SLC14A2: variants seen among roughly 807,000 people sequenced by gnomAD.
SLC14A2 encodes the protein urea transporter 2.
In SLC14A2, 91 loss-of-function variants were observed where a neutral mutation model predicts 104.6. The observed-to-expected ratio is 0.87, with a 90% CI of 0.73 to 1.04. SLC14A2 has a LOEUF of 1.04. Ranked by LOEUF, SLC14A2 falls within the 50% of genes least tolerant of loss-of-function variation. SLC14A2 has a pLI of 0.00. For missense variants in SLC14A2, 1,189 were observed against 1,156.0 expected (o/e 1.03, Z -0.41); for synonymous variants, 476 against 466.4 (o/e 1.02, Z -0.27).
intron 2 of SLC14A2, among the ~76,000 whole-genome samples, chr18:45,604,438 A>G (rs2044836804): frequency 6.6e-6 from 1 of 152,108 alleles, no homozygotes; most frequent in Admixed American, 6.5e-5. Flanking sequence ...AAATACTCCA[A>G]ATCATGCAGT....
Position 45,309,059 on chromosome 18 carries a change from T to G in SLC14A2, c.-125+95868T>G, listed in dbSNP as rs145557497. Among the ~76,000 whole-genome samples, 471 of 152,290 alleles carry G rather than the reference T, an allele frequency of 3.1e-3. 2 individuals carry two copies. Among genetic ancestry groups the G allele is most frequent in the African/African-American group, 0.011 (447 of 41,574 alleles). On this transcript the variant is annotated intron_variant, in intron 1 of 20. Coordinates refer to the SLC14A2 transcript ENST00000586448. ...TCTGACAGGTAGAGTTCACCCTCAG[T>G]TTTGGAGATTTCTGATCCAGTCATT...
intron 1 of SLC14A2, among the ~76,000 whole-genome samples, chr18:45,418,119 A>G (rs560793376): frequency 9.8e-5 from 15 of 152,330 alleles, no homozygotes; most frequent in African/African-American, 3.4e-4. Context: ...TCAGTAAAAT[A>G]AGTTTTAGAA....
rs754611598 is a variant in SLC14A2, at chr18:45,637,059, C to T, written c.720C>T (p.Phe240=). ...KWDLPVFTLP[F]NIAVTLYLAA... ...ACCTCCCGGTCTTCACTCTGCCCTT[C>T]AACATTGCAGTCACCTTGTACCTTG... Residue 240 remains phenylalanine, a synonymous_variant, in exon 6 of 20, where the codon TTC becomes TTT. Coordinates refer to ENST00000255226, the MANE Select transcript of SLC14A2 (RefSeq NM_007163.4). The T allele has an allele frequency of 2.5e-6, 4 of 1,614,190 alleles. No homozygotes were observed. The highest frequency in any genetic ancestry group is 1.6e-4 in the Middle Eastern group (1 of 6,062).
the SLC14A2 span, chr18:45,181,123 C>T: frequency 6.6e-6 from 1 of 152,598 alleles, no homozygotes; most frequent in Admixed American, 6.5e-5. Context: ...GTCCACGTCA[C>T]TGTTTAATGT....
intron 1 of SLC14A2, among the ~76,000 whole-genome samples, chr18:45,473,435 G>A (rs2266148): frequency 0.21 from 31,881 of 152,124 alleles, 3,758 homozygotes; most frequent in Non-Finnish European, 0.27. Flanking sequence ...TAGCTTGATG[G>A]GGATAGCATT....
At chr18:45,661,601 A>C (rs1354203918) in intron 10 of SLC14A2, among the ~76,000 whole-genome samples, 1 of 152,166 alleles carries the variant, frequency 6.6e-6, no homozygotes, top group Admixed American at 6.5e-5. Flanking sequence ...GTGATCTTGA[A>C]ACTCCCATTC....
At position 45,667,816 on chromosome 18, in the gene SLC14A2, C is replaced by T. The variant is rs760195802; in HGVS notation, c.1718-17C>T. Reference sequence around the variant, plus strand: ...ACACTGAGCACTTGCCTACTTCCTGCCCCGGTTCCATTTCAGACAAGTCCC... The same window carrying T: ...ACACTGAGCACTTGCCTACTTCCTGTCCCGGTTCCATTTCAGACAAGTCCC... On this transcript the variant is annotated splice_polypyrimidine_tract_variant and intron_variant, in intron 13 of 19. Coordinates refer to ENST00000255226, the MANE Select transcript of SLC14A2 (RefSeq NM_007163.4). The T allele has an allele frequency of 2.5e-6, 4 of 1,610,892 alleles. No individual in the cohort carries two copies. Among genetic ancestry groups the T allele is most frequent in the South Asian group, 1.1e-5 (1 of 90,934 alleles).
At chr18:45,380,301 A>C (rs2085820437) in intron 1 of SLC14A2, among the ~76,000 whole-genome samples, 1 of 152,212 alleles carries the variant, frequency 6.6e-6, no homozygotes, top group Non-Finnish European at 1.5e-5. Context: ...CCATCAGGAA[A>C]ATATCTGTAG....
At chr18:45,410,769 C>T (rs921503135) in intron 1 of SLC14A2, among the ~76,000 whole-genome samples, 1 of 152,170 alleles carries the variant, frequency 6.6e-6, no homozygotes, top group Non-Finnish European at 1.5e-5. Context: ...CTGATGTGCA[C>T]ATTTCCAGCT....
chr18:45,512,715 G>A (rs1444154813), intron 2 of SLC14A2, among the ~76,000 whole-genome samples: 3 of 152,174 alleles, frequency 2.0e-5, no homozygotes, highest in East Asian at 1.9e-4. Flanking sequence ...CTCCCCGGGA[G>A]AGTCTGGTGA....
At chr18:45,640,973 G>T (rs1427643440) in intron 7 of SLC14A2, among the ~76,000 whole-genome samples, 1 of 152,206 alleles carries the variant, frequency 6.6e-6, no homozygotes, top group Non-Finnish European at 1.5e-5. Flanking sequence ...TTCTCACCCA[G>T]GAGGACCTCC....
intron 2 of SLC14A2, among the ~76,000 whole-genome samples, chr18:45,543,902 T>C (rs1352440751): frequency 6.6e-6 from 1 of 152,214 alleles, no homozygotes; most frequent in Non-Finnish European, 1.5e-5. Context: ...TCTGAAATGT[T>C]GGCAGGTGGA....
intron 2 of SLC14A2, among the ~76,000 whole-genome samples, chr18:45,520,200 T>C (rs2043498346): frequency 6.6e-6 from 1 of 152,238 alleles, no homozygotes; most frequent in South Asian, 2.1e-4. Flanking sequence ...CACTATTCCC[T>C]GCTTCAGTGC....
At chr18:45,357,787 T>G (rs1231051166) in intron 1 of SLC14A2, among the ~76,000 whole-genome samples, 1 of 152,082 alleles carries the variant, frequency 6.6e-6, no homozygotes, top group Non-Finnish European at 1.5e-5. Flanking sequence ...GGAACCCTGA[T>G]GAAGAAAGGC....
At chr18:45,519,512 C>T (rs1473112863) in intron 2 of SLC14A2, among the ~76,000 whole-genome samples, 2 of 152,182 alleles carry the variant, frequency 1.3e-5, no homozygotes, top group Non-Finnish European at 2.9e-5. Context: ...AGCATGAGCA[C>T]ACACACATAC....
At chr18:45,388,183 C>T (rs751641569) in intron 1 of SLC14A2, among the ~76,000 whole-genome samples, 1 of 147,768 alleles carries the variant, frequency 6.8e-6, no homozygotes, top group Non-Finnish European at 1.5e-5. Context: ...TCACGCCATT[C>T]TCCTGCCTCA....
At chr18:45,392,425 T>A (rs2085980713) in intron 1 of SLC14A2, among the ~76,000 whole-genome samples, 1 of 152,234 alleles carries the variant, frequency 6.6e-6, no homozygotes, top group South Asian at 2.1e-4. Flanking sequence ...GCCCTCACAG[T>A]GCAGCATGGT....
intron 1 of SLC14A2, among the ~76,000 whole-genome samples, chr18:45,249,455 C>T (rs1191554264): frequency 6.6e-6 from 1 of 151,766 alleles, no homozygotes; most frequent in Non-Finnish European, 1.5e-5. Context: ...CTTGAAACAA[C>T]TATTATAAAA....
intron 2 of SLC14A2, among the ~76,000 whole-genome samples, chr18:45,582,321 A>G (rs1287085756): frequency 6.6e-6 from 1 of 152,168 alleles, no homozygotes; most frequent in Non-Finnish European, 1.5e-5. Flanking sequence ...TGGGCTAGAG[A>G]TGCTAGGAAA....
Sources: allele counts gnomAD v4.1 joint callset (sites outside exome capture counted in the v4.1 genomes callset), GRCh38; gene constraint gnomAD v4.1.1; transcripts MANE v1.5; gene names NCBI Gene and HGNC (gene_info 2026-07-23, HGNC 2026-07-21).